The following VPS13C variants were observed in gnomAD, a reference collection of about 807,000 sequenced individuals.
VPS13C encodes intermembrane lipid transfer protein VPS13C.
A neutral mutation model predicts 456.8 loss-of-function variants in VPS13C; 358 were observed. That is an observed-to-expected ratio of 0.78 (90% CI 0.72 to 0.86). The LOEUF is 0.86. Among genes scored for constraint, VPS13C ranks in the 40% least tolerant of loss-of-function variants. VPS13C has a pLI of 0.00. For synonymous variants in VPS13C, 1,578 were observed against 1,486.7 expected, an observed-to-expected ratio of 1.06 and a Z score of -1.41; for missense variants, 4,818 against 4,385.4, an observed-to-expected ratio of 1.10 and a Z score of -2.79.
chr15:62,026,615 A>G (rs914224890), intron 6 of VPS13C, among the ~76,000 whole-genome samples: 5 of 152,050 alleles, frequency 3.3e-5, no homozygotes, highest in Non-Finnish European at 5.9e-5. Context: ...CCCACTAAAA[A>G]TGGCTTTCCA....
In VPS13C at chr15:61,863,521, A is replaced by G. The variant is rs768252312; in HGVS notation, c.10871T>C (p.Ile3624Thr). The G allele has an allele frequency of 2.5e-6, 4 of 1,612,398 alleles. No individual in the cohort carries two copies. Among genetic ancestry groups the G allele is most frequent in the African/African-American group, 1.3e-5 (1 of 74,954 alleles). ...SEGSDLLENH[I>T]KKLEGETYRY... ...GTAAGTCTCTCCTTCCAACTTTTTG[A>G]TATGATTCTGAAAAGGAAACCAGGC... Residue 3624 changes from isoleucine to threonine, a missense_variant, in exon 82 of 85, where the codon ATC (isoleucine) becomes ACC (threonine). This residue lies in a region of VPS13C where 261 missense variants were observed against 234.1 expected (regional missense o/e 1.11). Transcript: ENST00000644861.
chr15:61,879,472 G>A (rs916944948), intron 73 of VPS13C: 1 of 151,996 alleles, frequency 6.6e-6, no homozygotes, highest in Admixed American at 6.6e-5. Context: ...GGAGTGCTGG[G>A]ATCCAGGAAA....
intron 9 of VPS13C, among the ~76,000 whole-genome samples, chr15:62,020,020 G>C (rs948003570): frequency 6.6e-6 from 1 of 150,502 alleles, no homozygotes; most frequent in Non-Finnish European, 1.5e-5. Context: ...TACTGTTAAA[G>C]ACCATTAAAA....
At chr15:62,037,553 T>C (rs899253423) in intron 3 of VPS13C, among the ~76,000 whole-genome samples, 1 of 87,014 alleles carries the variant, frequency 1.1e-5, no homozygotes, top group South Asian at 3.8e-4. Context: ...TAGTCAGCTA[T>C]AATTGATCTA....
In VPS13C at chr15:61,954,455, A is replaced by G. The variant is rs1305877367; in HGVS notation, c.4265T>C (p.Ile1422Thr). ...TGVEEIRSVD[I>T]INMLLNFEIK... is the part of the protein sequence containing the mutation. ...TTCAAAATTCAGCAGCATATTAATG[A>G]TGTCTACAGACCTAATTTCTTCCAC... Residue 1422 changes from isoleucine (I) to threonine (T), a missense_variant, in exon 38 of 85, where the codon ATC becomes ACC. Around this residue, in one of 3 missense-constraint regions of VPS13C, gnomAD observed 4,552 missense variants for 4,130.6 expected, o/e 1.10. Transcript: ENST00000644861. 6.2e-7 allele frequency: 1 copy of G among 1,607,628 alleles called. No individual in the cohort carries two copies. Among genetic ancestry groups the G allele is most frequent in the South Asian group, 1.1e-5 (1 of 88,706 alleles).
At position 62,013,938 on chromosome 15, in the gene VPS13C, A is replaced by G. The variant is rs1447742053; in HGVS notation, c.739T>C (p.Tyr247His). ...CILNEADKII[Y>H]KLIRLDSLSA... ...TTTTTATTCCAACATAATACCTTGT[A>G]TATAATTTTGTCTGCTTCATTTAAT... The change falls in exon 10 of 85, where the codon TAC (tyrosine) becomes CAC (histidine). Residue 247 changes from tyrosine to histidine, a missense_variant. Transcript: ENST00000644861. The G allele has an allele frequency of 4.4e-6, 7 of 1,606,208 alleles. No individual in the cohort carries two copies. The highest frequency in any genetic ancestry group is 2.7e-5 in the African/African-American group (2 of 74,532).
intron 1 of VPS13C, among the ~76,000 whole-genome samples, chr15:62,047,346 G>A (rs1275872024): frequency 1.3e-5 from 2 of 151,834 alleles, no homozygotes; most frequent in Non-Finnish European, 2.9e-5. Context: ...AGTGAGGCAG[G>A]AGAACTGCTT....
chr15:61,987,023 G>A (rs1454902527), intron 18 of VPS13C, among the ~76,000 whole-genome samples: 1 of 151,906 alleles, frequency 6.6e-6, no homozygotes, highest in African/African-American at 2.4e-5. Context: ...ACTGACAGAT[G>A]GTCAAAGACA....
chr15:62,043,097 T>C (rs2048293622), intron 2 of VPS13C, among the ~76,000 whole-genome samples: 1 of 151,940 alleles, frequency 6.6e-6, no homozygotes. Flanking sequence ...TTCCAATCTA[T>C]AACAACAGAA....
At position 61,984,884 on chromosome 15, in the gene VPS13C, G is replaced by A; in HGVS notation, c.1694C>T (p.Ser565Phe). ...IQIIGLGTQV[S>F]QRPGAQALKV... ...AAGTGCTTGTGCTCCTGGTCGCTGA[G>A]ATACTTGAGTGCCCAGGCCAATTAT... The change falls in exon 19 of 85, where the codon TCT (serine) becomes TTT (phenylalanine). Residue 565 changes from serine to phenylalanine, a missense_variant. Physicochemically the swap from Ser to Phe is radical, Grantham distance 155 (BLOSUM62 -2). This residue lies in a region of VPS13C where 4,552 missense variants were observed against 4,130.6 expected (regional missense o/e 1.10). Transcript: ENST00000644861. 6.2e-7 allele frequency: 1 copy of A among 1,613,148 alleles called. No individual in the cohort carries two copies.
chr15:61,991,900 T>TGA, intron 16 of VPS13C, 98 bp from the exon 17 acceptor site: 1 of 1,295,732 alleles, frequency 7.7e-7, no homozygotes, highest in Non-Finnish European at 1.0e-6. Flanking sequence ...TTTTTTTTTT[T>TGA]TAACGCTACG....
At chr15:62,034,581 T>C (rs1450712129) in intron 4 of VPS13C, among the ~76,000 whole-genome samples, 1 of 151,446 alleles carries the variant, frequency 6.6e-6, no homozygotes, top group Non-Finnish European at 1.5e-5. Context: ...GGAAAAAAAA[T>C]AAATTTTTCA....
chr15:61,945,926 A>G, intron 44 of VPS13C, 44 bp from the exon 45 acceptor site: 1 of 1,505,754 alleles, frequency 6.6e-7, no homozygotes, highest in Non-Finnish European at 8.9e-7. Flanking sequence ...AAAGAGCTGT[A>G]TAGCCCTTAT....
chr15:61,967,275 T>C (rs1596395704), intron 29 of VPS13C, 93 bp downstream of exon 29: 1 of 1,048,450 alleles, frequency 9.5e-7, no homozygotes, highest in Non-Finnish European at 1.4e-6. Flanking sequence ...GTGATACACA[T>C]CCAGAGCCAT....
chr15:62,013,825 C>A, intron 10 of VPS13C, 108 bp downstream of exon 10: 1 of 800,030 alleles, frequency 1.2e-6, no homozygotes, highest in African/African-American at 1.7e-5. Flanking sequence ...AGACCCTAGA[C>A]TTTTAACTCA....
chr15:61,902,661 A>C (rs1056836589), intron 66 of VPS13C, among the ~76,000 whole-genome samples: 2 of 152,218 alleles, frequency 1.3e-5, no homozygotes, highest in Admixed American at 1.3e-4. Flanking sequence ...TTATGAAAAA[A>C]GTTCTCAACA....
chr15:62,045,165 C>G (rs1845179185), intron 1 of VPS13C, among the ~76,000 whole-genome samples: 1 of 152,026 alleles, frequency 6.6e-6, no homozygotes, highest in Non-Finnish European at 1.5e-5. Context: ...TTATTAAGCA[C>G]CCATTATATG....
At chr15:61,972,555 C>T in intron 27 of VPS13C, 70 bp downstream of exon 27, 2 of 1,539,430 alleles carry the variant, frequency 1.3e-6, no homozygotes, top group South Asian at 2.4e-5. Flanking sequence ...ACATTTGGGT[C>T]TAGCTTGAGG....
chr15:61,921,687 G>C (rs1244280032), intron 55 of VPS13C, among the ~76,000 whole-genome samples: 2 of 151,970 alleles, frequency 1.3e-5, no homozygotes, highest in African/African-American at 4.8e-5. Context: ...CTGCCTTAAG[G>C]GAAGACAGAT....
Sources: gnomAD v4.1 joint callset for allele counts (sites outside exome capture counted in the v4.1 genomes callset) on GRCh38, gnomAD v4.1.1 for gene constraint, gnomAD v4.1.1 regional missense constraint, MANE v1.5 for transcripts, NCBI Gene and HGNC (gene_info 2026-07-23, HGNC 2026-07-21) for gene names.